The following NETO1 variants were observed in gnomAD, a reference collection of about 807,000 sequenced individuals.
NETO1 encodes the protein neuropilin and tolloid like 1, also known as neuropilin and tolloid-like protein 1.
Under a neutral mutation model 61.3 loss-of-function variants are expected in NETO1, and 26 were observed. That is an observed-to-expected ratio of 0.42 (90% CI 0.31 to 0.59). NETO1 has a LOEUF of 0.59. Ranked by LOEUF, NETO1 falls within the 20% of genes least tolerant of loss-of-function variation. The pLI, the probability that NETO1 is intolerant of heterozygous loss-of-function variation, is 0.12. For missense variants in NETO1, 531 were observed against 662.8 expected (o/e 0.80, Z 2.18); for synonymous variants, 225 against 225.8 (o/e 1.00, Z 0.03).
At chr18:72,828,370 G>A (rs2073457230) in intron 4 of NETO1, among the ~76,000 whole-genome samples, 1 of 151,944 alleles carries the variant, frequency 6.6e-6, no homozygotes, top group South Asian at 2.1e-4. Flanking sequence ...TCATACATGA[G>A]AGCTAGCAGA....
rs765250568 is a variant in NETO1, at chr18:72,750,526, G to A, written c.1077C>T (p.Ile359=). 1.9e-6 allele frequency: 3 copies of A among 1,613,994 alleles called. No individual in the cohort carries two copies. The highest frequency in any genetic ancestry group is 1.7e-5 in the Admixed American group (1 of 60,006). The change falls in exon 9 of 11, where the codon ATC becomes ATT. Residue 359 remains isoleucine, a synonymous_variant. Coordinates refer to ENST00000327305, the MANE Select transcript of NETO1 (RefSeq NM_138966.5). ...GCTGTTTGATCTGTACGATGACAGA[G>A]ATGATAATGAGGATGATCACGATGC... ...TSCIVIILII[I]SVIVQIKQPR...
chr18:72,785,543 CT>C (rs915882533), intron 6 of NETO1, among the ~76,000 whole-genome samples: 1 of 152,108 alleles, frequency 6.6e-6, no homozygotes, highest in African/African-American at 2.4e-5. Flanking sequence ...TAATCACAGT[CT>C]TTTTTTCATT....
rs976548008 is a variant in NETO1, at chr18:72,771,522, A to G, written c.868+12156T>C. Among the ~76,000 whole-genome samples, 9 of 152,250 alleles carry G rather than the reference A, an allele frequency of 5.9e-5. No homozygotes were observed. In the South Asian group the frequency reaches 6.2e-4, roughly 11 times the overall value. ...CATCATATTCATCTTCGAGCCATCC[A>G]TGCCTGGAAAGTTTAATGAAGGAAT... On this transcript the variant is annotated intron_variant, in intron 7 of 10. Coordinates refer to ENST00000327305, the MANE Select transcript of NETO1 (RefSeq NM_138966.5).
chr18:72,765,397 G>A (rs993959931), intron 7 of NETO1, among the ~76,000 whole-genome samples: 1 of 151,942 alleles, frequency 6.6e-6, no homozygotes, highest in African/African-American at 2.4e-5. Context: ...CTTGGTGACA[G>A]ACTATATATC....
chr18:72,846,504 C>CAAAAAAAAAAAGAAAAAAAAAAA (rs2074090113), intron 4 of NETO1, among the ~76,000 whole-genome samples: 1 of 13,004 alleles, frequency 7.7e-5, no homozygotes, highest in Non-Finnish European at 1.3e-4. Context: ...GACTTCATCT[C>CAAAAAAAAAAAGAAAAAAAAAAA]AAAAAAAAAA....
chr18:72,754,019 G>A (rs983872011), intron 8 of NETO1, among the ~76,000 whole-genome samples: 8 of 152,042 alleles, frequency 5.3e-5, no homozygotes, highest in Middle Eastern at 6.3e-3. Context: ...GGTATGTAAC[G>A]TTTAAAAATG....
rs557031124 is a variant in NETO1 at position 72,853,665 on chromosome 18, C to T, written c.469+5161G>A. ...CCCAGCTACTCAGGAGACTGAGGCA[C>T]GAGAATCACTGAAACCCGGAGGCAG... On this transcript the variant is annotated intron_variant, in intron 4 of 10. Transcript: ENST00000327305. Among the ~76,000 whole-genome samples the T allele has an allele frequency of 6.0e-5, 9 of 150,202 alleles. No homozygotes were observed. In the South Asian group the frequency reaches 6.3e-4, roughly 10 times the overall value.
chr18:72,827,464 C>G (rs1440524799), intron 4 of NETO1, among the ~76,000 whole-genome samples: 1 of 152,152 alleles, frequency 6.6e-6, no homozygotes, highest in South Asian at 2.1e-4. Context: ...GAACTCACAG[C>G]AAGGGGCCAG....
At chr18:72,843,088 A>G (rs1568251192) in intron 4 of NETO1, among the ~76,000 whole-genome samples, 1 of 152,200 alleles carries the variant, frequency 6.6e-6, no homozygotes, top group African/African-American at 2.4e-5. Flanking sequence ...TTTTAATCTA[A>G]TAAAGAAAAC....
intron 4 of NETO1, among the ~76,000 whole-genome samples, chr18:72,808,419 TTGTGTGTGTGTGTGTGTG>T (rs368047239): frequency 7.1e-6 from 1 of 141,834 alleles, no homozygotes; most frequent in Admixed American, 7.1e-5. Flanking sequence ...CACTGCAGAT[TTGTGTGTGTGTGTGTGTG>T]TGTGTGTGTG....
rs1024195805 is a variant in NETO1, at chr18:72,867,356, G to C, written c.-65C>G. ...CCATTTAGAGACGGGAAGACTTCCA[G>C]TGGCGGGGGGAGGACAGGGTCGAGA... On this transcript the variant is annotated 5_prime_UTR_variant, in exon 1 of 11. Transcript: ENST00000327305. 11 of 1,413,152 alleles carry C rather than the reference G, an allele frequency of 7.8e-6. No homozygotes were observed. In the African/African-American group the frequency reaches 1.2e-4, roughly 15 times the overall value. 87.5% of individuals were successfully genotyped at this position (1,413,152 alleles called of 1,614,324 possible).
intron 4 of NETO1, among the ~76,000 whole-genome samples, chr18:72,856,691 G>A (rs2074420384): frequency 6.6e-6 from 1 of 152,166 alleles, no homozygotes; most frequent in South Asian, 2.1e-4. Context: ...CAAATTCAGT[G>A]CTCCTCGCAG....
chr18:72,852,620 T>A (rs574595710), intron 4 of NETO1, among the ~76,000 whole-genome samples: 13 of 152,228 alleles, frequency 8.5e-5, no homozygotes, highest in Non-Finnish European at 1.8e-4. Flanking sequence ...GGAAATTTTC[T>A]CTCCCACTCT....
At position 72,855,283 on chromosome 18, in the gene NETO1, A is replaced by G. The variant is rs372853311; in HGVS notation, c.469+3543T>C. 3.9e-5 allele frequency among the ~76,000 whole-genome samples: 6 copies of G among 152,164 alleles called. No individual in the cohort carries two copies. In the East Asian group the frequency reaches 7.7e-4, roughly 20 times the overall value. On this transcript the variant is annotated intron_variant, in intron 4 of 10. Coordinates refer to ENST00000327305, the MANE Select transcript of NETO1 (RefSeq NM_138966.5). ...AGGCTCTGCGCCCCCTGGCCCTTCTACAAGCCTCACTCTTATCCTTTGAAG... is the reference window on the plus strand; with the variant it reads ...AGGCTCTGCGCCCCCTGGCCCTTCTGCAAGCCTCACTCTTATCCTTTGAAG...
Position 72,747,507 on chromosome 18 carries a change from T to G in NETO1, c.*672A>C, listed in dbSNP as rs1346307269. ...TGACTTCAAAAAGGATTTCTGAAAC[T>G]CAGTACTTTCTTTGATATAAAACAA... is the stretch of plus-strand genomic sequence containing the variant. On this transcript the variant is annotated 3_prime_UTR_variant, in exon 11 of 11. Transcript: ENST00000327305. 2 of 152,058 alleles carry G rather than the reference T, an allele frequency of 1.3e-5. No individual in the cohort carries two copies. The highest frequency in any genetic ancestry group is 2.9e-5 in the Non-Finnish European group (2 of 67,974). The allele number at this position is 152,058 out of a possible 1,614,324, so 9.4% of individuals were successfully genotyped here. A position where few individuals can be genotyped will look rare whatever the true frequency, so the allele number is the denominator to read the frequency against.
Position 72,833,999 on chromosome 18 carries a change from C to T in NETO1, c.469+24827G>A, listed in dbSNP as rs1599109936. Reference sequence around the variant, plus strand: ...ATTAGCAAGTCCAAAGTGAATACAACATTTTAACACCCAACCTACAAGAGA... The same window carrying T: ...ATTAGCAAGTCCAAAGTGAATACAATATTTTAACACCCAACCTACAAGAGA... On this transcript the variant is annotated intron_variant, in intron 4 of 10. Transcript: ENST00000327305. 2.5e-5 allele frequency: 13 copies of T among 527,902 alleles called. No homozygotes were observed. In the South Asian group the frequency reaches 9.1e-4, roughly 37 times the overall value. 32.7% of individuals were successfully genotyped at this position (527,902 alleles called of 1,614,324 possible). A position where few individuals can be genotyped will look rare whatever the true frequency, so the allele number is the denominator to read the frequency against.
intron 1 of NETO1, chr18:72,865,750 A>G: frequency 7.0e-7 from 1 of 1,424,952 alleles, no homozygotes; most frequent in South Asian, 1.4e-5. Flanking sequence ...GGAGGAGGAG[A>G]ATAAGCAAGA....
At chr18:72,818,346 C>A (rs141898948) in intron 4 of NETO1, among the ~76,000 whole-genome samples, 1,631 of 152,236 alleles carry the variant, frequency 0.011, 36 homozygotes, top group African/African-American at 0.038. Context: ...AAAATATTGA[C>A]AGTATCACAT....
At chr18:72,793,226 C>A (rs961059512) in intron 6 of NETO1, among the ~76,000 whole-genome samples, 9 of 152,038 alleles carry the variant, frequency 5.9e-5, no homozygotes, top group African/African-American at 1.9e-4. Context: ...GACTACAAAT[C>A]TAGTAAGTCA....
Sources: gnomAD v4.1 joint callset for allele counts (sites outside exome capture counted in the v4.1 genomes callset) on GRCh38, gnomAD v4.1.1 for gene constraint, MANE v1.5 for transcripts, NCBI Gene and HGNC (gene_info 2026-07-23, HGNC 2026-07-21) for gene names.